The following CRY1 variants were observed in gnomAD, a reference collection of about 807,000 sequenced individuals.
CRY1 encodes cryptochrome-1.
In CRY1, 45 loss-of-function variants were observed where a neutral mutation model predicts 76.0. The observed-to-expected ratio is 0.59, with a 90% CI of 0.47 to 0.76. The LOEUF (loss-of-function observed/expected upper bound fraction) is 0.76, where lower values mean the gene tolerates loss of function less well. Among genes scored for constraint, CRY1 ranks in the 30% least tolerant of loss-of-function variants. CRY1 has a pLI of 0.00. For synonymous variants in CRY1, 248 were observed against 244.0 expected, an observed-to-expected ratio of 1.02 and a Z score of -0.15; for missense variants, 587 against 716.4, an observed-to-expected ratio of 0.82 and a Z score of 2.06.
intron 1 of CRY1, among the ~76,000 whole-genome samples, chr12:107,025,444 C>G (rs932894985): frequency 1.3e-5 from 2 of 152,162 alleles, no homozygotes; most frequent in African/African-American, 4.8e-5. Context: ...AAAGTCCTAT[C>G]TAGTCTCCTC....
rs1412289095 is a variant in CRY1, at chr12:107,000,028, T to C, written c.739A>G (p.Ser247Gly). The change falls in exon 6 of 13, where the codon AGC (serine) becomes GGC (glycine). Residue 247 changes from serine to glycine, a missense_variant. Coordinates refer to ENST00000008527, the MANE Select transcript of CRY1 (RefSeq NM_004075.5). ...AGATAAGGACTAAGTCCAGTAGGGC[T>C]TGCAAGCAGAGAATTCGCATTCATT... ...PRMNANSLLA[S>G]PTGLSPYLRF... 6 of 1,611,578 alleles carry C rather than the reference T, an allele frequency of 3.7e-6. No individual in the cohort carries two copies. The highest frequency in any genetic ancestry group is 4.2e-6 in the Non-Finnish European group (5 of 1,179,428).
chr12:107,058,677 T>C (rs756157382), intron 1 of CRY1, among the ~76,000 whole-genome samples: 10 of 152,216 alleles, frequency 6.6e-5, no homozygotes, highest in African/African-American at 1.2e-4. Context: ...GGCAATAACA[T>C]ATGACAATAG....
rs1172430877 is a variant in CRY1 at position 107,092,825 on chromosome 12, T to C, written c.137A>G (p.Asn46Ser). 12 of 1,611,504 alleles carry C rather than the reference T, an allele frequency of 7.4e-6. No homozygotes were observed. The highest frequency in any genetic ancestry group is 2.2e-4 in the Middle Eastern group (1 of 4,514). The change falls in exon 1 of 13, where the codon AAT (asparagine) becomes AGT (serine). Residue 46 changes from asparagine (N) to serine (S), a missense_variant. Asn to Ser is a conservative substitution (Grantham distance 46). Transcript: ENST00000008527. ...ILDPWFAGSS[N>S]VGINRWRFLL... ...TCACCGCCACCTGTTGATGCCCACA[T>C]TGGAGGAGCCGGCGAACCAGGGGTC... is the stretch of plus-strand genomic sequence containing the variant.
intron 10 of CRY1, among the ~76,000 whole-genome samples, chr12:106,996,076 C>T (rs555091378): frequency 6.6e-6 from 1 of 152,184 alleles, no homozygotes; most frequent in Non-Finnish European, 1.5e-5. Context: ...AAACTCCCAA[C>T]CTCAGGTGAT....
intron 2 of CRY1, among the ~76,000 whole-genome samples, chr12:107,014,786 T>A (rs1039850769): frequency 6.6e-6 from 1 of 152,236 alleles, no homozygotes; most frequent in African/African-American, 2.4e-5. Flanking sequence ...CCCCTGTGGA[T>A]ACCAAAATTC....
At chr12:107,021,352 G>A (rs556012023) in intron 2 of CRY1, among the ~76,000 whole-genome samples, 1 of 152,188 alleles carries the variant, frequency 6.6e-6, no homozygotes, top group East Asian at 1.9e-4. Flanking sequence ...ACAATCCTTT[G>A]ACCCAGAAAG....
chr12:107,022,401 A>T (rs141989171), intron 1 of CRY1, among the ~76,000 whole-genome samples: 2 of 152,204 alleles, frequency 1.3e-5, no homozygotes, highest in East Asian at 3.9e-4. Context: ...ATACTGAATA[A>T]AATCACTAAT....
At chr12:107,090,029 G>A (rs957155503) in intron 1 of CRY1, among the ~76,000 whole-genome samples, 3 of 151,928 alleles carry the variant, frequency 2.0e-5, no homozygotes, top group Non-Finnish European at 4.4e-5. Flanking sequence ...TTGACCTATC[G>A]GTAGCATCTG....
At chr12:107,043,091 G>A (rs1280827272) in intron 1 of CRY1, 3 of 152,050 alleles carry the variant, frequency 2.0e-5, no homozygotes, top group Non-Finnish European at 4.4e-5. Flanking sequence ...GTGAGTAGCC[G>A]TGACTCTCCT....
At chr12:107,006,375 C>G (rs886930411) in intron 2 of CRY1, among the ~76,000 whole-genome samples, 1 of 142,416 alleles carries the variant, frequency 7.0e-6, no homozygotes. Context: ...GGCTCCATCT[C>G]AAAAAAAAAA....
intron 7 of CRY1, among the ~76,000 whole-genome samples, chr12:106,998,435 A>G (rs1219754751): frequency 1.3e-5 from 2 of 152,238 alleles, no homozygotes; most frequent in African/African-American, 2.4e-5. Flanking sequence ...ATGCTATTAC[A>G]TAAAACACCA....
intron 1 of CRY1, among the ~76,000 whole-genome samples, chr12:107,070,995 C>T (rs1308037587): frequency 1.3e-5 from 2 of 151,990 alleles, no homozygotes; most frequent in South Asian, 2.1e-4. Flanking sequence ...TGAGCCACAG[C>T]GCCCGGCCTG....
chr12:107,013,325 A>G (rs1952465083), intron 2 of CRY1, among the ~76,000 whole-genome samples: 2 of 152,238 alleles, frequency 1.3e-5, no homozygotes, highest in South Asian at 4.1e-4. Flanking sequence ...AGCAAAAAAG[A>G]TTATGACTTG....
At chr12:107,089,247 T>C (rs1244796928) in intron 1 of CRY1, among the ~76,000 whole-genome samples, 1 of 152,232 alleles carries the variant, frequency 6.6e-6, no homozygotes, top group Non-Finnish European at 1.5e-5. Flanking sequence ...TTCTAAGAGA[T>C]GCAAATTTTC....
At chr12:107,009,761 T>C (rs1037907741) in intron 2 of CRY1, among the ~76,000 whole-genome samples, 11 of 151,334 alleles carry the variant, frequency 7.3e-5, no homozygotes, top group African/African-American at 2.7e-4. Context: ...CAAAAAAAAC[T>C]TTTTTTAAAT....
intron 1 of CRY1, among the ~76,000 whole-genome samples, chr12:107,029,282 T>A (rs976970803): frequency 6.6e-6 from 1 of 152,096 alleles, no homozygotes; most frequent in African/African-American, 2.4e-5. Context: ...CTAATTCCAC[T>A]AGCACCTTCC....
chr12:107,052,801 G>C (rs1406223098), intron 1 of CRY1, among the ~76,000 whole-genome samples: 1 of 152,184 alleles, frequency 6.6e-6, no homozygotes, highest in Non-Finnish European at 1.5e-5. Context: ...ACAGCACAGA[G>C]AGTGAAAGAG....
intron 2 of CRY1, among the ~76,000 whole-genome samples, chr12:107,014,972 G>A (rs1002805815): frequency 6.6e-6 from 1 of 152,058 alleles, no homozygotes; most frequent in African/African-American, 2.4e-5. Flanking sequence ...CCGCCTCCTG[G>A]GTTCAAGTGT....
At position 107,086,126 on chromosome 12, in the gene CRY1, G is replaced by A. The variant is rs1237677444; in HGVS notation, c.158+6678C>T. Among the ~76,000 whole-genome samples, 3 of 152,112 alleles carry A rather than the reference G, an allele frequency of 2.0e-5. No individual in the cohort carries two copies. In the East Asian group the frequency reaches 5.8e-4, roughly 29 times the overall value. Reference sequence around the variant, plus strand: ...ACTTTGTAAAAGGCTGAACTTAAGAGTAATGACTTAAGCTACCTGGCAAAA... The same window carrying A: ...ACTTTGTAAAAGGCTGAACTTAAGAATAATGACTTAAGCTACCTGGCAAAA... On this transcript the variant is annotated intron_variant, in intron 1 of 12. Transcript: ENST00000008527.
Sources: gnomAD v4.1 joint callset for allele counts (sites outside exome capture counted in the v4.1 genomes callset) on GRCh38, gnomAD v4.1.1 for gene constraint, MANE v1.5 for transcripts, NCBI Gene and HGNC (gene_info 2026-07-23, HGNC 2026-07-21) for gene names.